Variants in GRIK4 observed in about 807,000 individuals in gnomAD.
The protein encoded by GRIK4 is glutamate receptor ionotropic, kainate 4.
GRIK4 carries 40 observed loss-of-function variants against 104.9 expected under a neutral mutation model. That is an observed-to-expected ratio of 0.38 (90% CI 0.30 to 0.50). The LOEUF (loss-of-function observed/expected upper bound fraction) is 0.50, where lower values mean the gene tolerates loss of function less well. Among genes scored for constraint, GRIK4 ranks in the 20% least tolerant of loss-of-function variants. The pLI, the probability that GRIK4 is intolerant of heterozygous loss-of-function variation, is 0.93. For synonymous variants in GRIK4, 485 were observed against 524.9 expected (o/e 0.92, Z 1.04); for missense variants, 1,047 against 1,308.1 (o/e 0.80, Z 3.08).
At chr11:120,907,805 G>A (rs765775055) in intron 13 of GRIK4, among the ~76,000 whole-genome samples, 7 of 152,160 alleles carry the variant, frequency 4.6e-5, no homozygotes, top group Non-Finnish European at 8.8e-5. Flanking sequence ...GGATGTGTGC[G>A]CTGGCTTAGG....
At chr11:120,602,261 TC>T (rs1339274316) in intron 1 of GRIK4, among the ~76,000 whole-genome samples, 18 of 152,280 alleles carry the variant, frequency 1.2e-4, no homozygotes, top group African/African-American at 3.9e-4. Context: ...GTTGAAAACA[TC>T]TTTTTGCTAT....
chr11:120,961,268 C>T (rs1022846698), intron 17 of GRIK4, among the ~76,000 whole-genome samples, 194 bp downstream of exon 17: 3 of 152,132 alleles, frequency 2.0e-5, no homozygotes, highest in Admixed American at 6.5e-5. Context: ...AAGAACTTTG[C>T]GTTAATATCA....
Position 120,625,648 on chromosome 11 carries a change from C to T in GRIK4, c.-158-28037C>T, listed in dbSNP as rs552056104. On this transcript the variant is annotated intron_variant, in intron 1 of 20. Transcript: ENST00000527524. ...GGAGGAAACATTTTGGTCTGGGTCTCGGTGGGCAGAAGTCATTGCTGGCTT... is the reference window on the plus strand; with the variant it reads ...GGAGGAAACATTTTGGTCTGGGTCTTGGTGGGCAGAAGTCATTGCTGGCTT... 5.3e-5 allele frequency among the ~76,000 whole-genome samples: 8 copies of T among 151,884 alleles called. 1 individual carries two copies. The South Asian group carries it at 8.4e-4, about 16-fold the overall frequency.
chr11:120,547,302 C>A (rs568268594), intron 1 of GRIK4, among the ~76,000 whole-genome samples: 1 of 152,348 alleles, frequency 6.6e-6, no homozygotes, highest in South Asian at 2.1e-4. Flanking sequence ...CTCCCAAAGG[C>A]CAGAGACCTT....
intron 3 of GRIK4, among the ~76,000 whole-genome samples, chr11:120,773,527 G>A (rs1350039187): frequency 6.6e-6 from 1 of 152,232 alleles, no homozygotes; most frequent in African/African-American, 2.4e-5. Context: ...GGATGCAGTG[G>A]CAGCCTGGAG....
At chr11:120,938,219 C>T (rs11218066) in intron 13 of GRIK4, among the ~76,000 whole-genome samples, 36,252 of 152,052 alleles carry the variant, frequency 0.24, 4,723 homozygotes, top group East Asian at 0.36. Context: ...AGGCTCTGAA[C>T]GGCCCAAGCA....
At chr11:120,824,642 C>G (rs113184379) in intron 6 of GRIK4, among the ~76,000 whole-genome samples, 7,232 of 146,364 alleles carry the variant, frequency 0.049, 186 homozygotes, top group Middle Eastern at 0.099. Context: ...CTTCATCTCT[C>G]GGGTTCAAGT....
chr11:120,534,056 G>GAGCCTGGCAGTGATCCTGCCA (rs1206394035), intron 1 of GRIK4, among the ~76,000 whole-genome samples: 1 of 152,190 alleles, frequency 6.6e-6, no homozygotes, highest in Non-Finnish European at 1.5e-5. Context: ...GGCACCTGCT[G>GAGCCTGGCAGTGATCCTGCCA]AGCCTGGCAG....
intron 1 of GRIK4, among the ~76,000 whole-genome samples, chr11:120,550,167 G>T (rs1591688073): frequency 6.6e-6 from 1 of 152,060 alleles, no homozygotes; most frequent in South Asian, 2.1e-4. Context: ...GGAAGAAGGG[G>T]CTTACACCCA....
In GRIK4 at chr11:120,700,458, TTTA is replaced by T. The variant is rs560323200; in HGVS notation, c.82+40065_82+40067del. Reference sequence around the variant, plus strand: ...CTGGCTAATTTTTGTATTTTTATTTTTTATTATTACTATTTTTTGAGAGAGAGT... The same window carrying T: ...CTGGCTAATTTTTGTATTTTTATTTTTTATTACTATTTTTTGAGAGAGAGT... On this transcript the variant is annotated intron_variant, in intron 3 of 20. Transcript: ENST00000527524. 3.1e-3 allele frequency among the ~76,000 whole-genome samples: 468 copies of T among 150,998 alleles called. 4 individuals are homozygous for T. Among genetic ancestry groups the T allele is most frequent in the African/African-American group, 0.011 (436 of 41,092 alleles).
At chr11:120,848,715 A>G (rs1017701606) in intron 8 of GRIK4, among the ~76,000 whole-genome samples, 1 of 152,202 alleles carries the variant, frequency 6.6e-6, no homozygotes, top group Non-Finnish European at 1.5e-5. Context: ...GAATAGCCAG[A>G]CACTGTACCC....
At chr11:120,631,708 A>AT (rs1305604938) in intron 1 of GRIK4, among the ~76,000 whole-genome samples, 1 of 152,146 alleles carries the variant, frequency 6.6e-6, no homozygotes, top group Non-Finnish European at 1.5e-5. Flanking sequence ...TTTTCTCATA[A>AT]TTTAGGGCTG....
At chr11:120,531,483 A>G (rs2136081419) in intron 1 of GRIK4, among the ~76,000 whole-genome samples, 1 of 152,288 alleles carries the variant, frequency 6.6e-6, no homozygotes, top group Middle Eastern at 3.4e-3. Context: ...TGCCAGGATC[A>G]TCCCATATTA....
At chr11:120,523,942 T>C (rs1259632912) in intron 1 of GRIK4, among the ~76,000 whole-genome samples, 2 of 148,558 alleles carry the variant, frequency 1.3e-5, no homozygotes, top group African/African-American at 2.5e-5. Context: ...TTTTTTTTTT[T>C]CCTGAGACGG....
intron 6 of GRIK4, 83 bp downstream of exon 6, chr11:120,820,003 C>G: frequency 1.5e-6 from 2 of 1,374,818 alleles, no homozygotes; most frequent in Non-Finnish European, 2.0e-6. Context: ...TGGCTGGAGA[C>G]CCTCCAGGAA....
chr11:120,632,290 C>T (rs925732254), intron 1 of GRIK4, among the ~76,000 whole-genome samples: 1 of 152,192 alleles, frequency 6.6e-6, no homozygotes, highest in Non-Finnish European at 1.5e-5. Context: ...GATCTCAGAC[C>T]TCTAGCCTTC....
intron 3 of GRIK4, among the ~76,000 whole-genome samples, chr11:120,686,027 A>T (rs1464884757): frequency 6.6e-6 from 1 of 152,092 alleles, no homozygotes; most frequent in East Asian, 1.9e-4. Flanking sequence ...GGGTAAATTA[A>T]TTTACTTTTG....
intron 3 of GRIK4, among the ~76,000 whole-genome samples, chr11:120,780,713 T>TC (rs1565347605): frequency 5.3e-5 from 8 of 152,080 alleles, no homozygotes; most frequent in Non-Finnish European, 1.2e-4. Flanking sequence ...TATCCGGGGT[T>TC]TTTTTTGTTT....
chr11:120,521,906 C>T (rs528063489), intron 1 of GRIK4, among the ~76,000 whole-genome samples: 79 of 152,340 alleles, frequency 5.2e-4, no homozygotes, highest in Non-Finnish European at 1.1e-3. Context: ...CCTCTTTCTC[C>T]ATTTTCCCCT....
Sources: gnomAD v4.1 joint callset for allele counts (sites outside exome capture counted in the v4.1 genomes callset) on GRCh38, gnomAD v4.1.1 for gene constraint, MANE v1.5 for transcripts, NCBI Gene and HGNC (gene_info 2026-07-23, HGNC 2026-07-21) for gene names.